FGD6: variants seen among roughly 807,000 people sequenced by gnomAD.
The protein encoded by FGD6 is FYVE, RhoGEF and PH domain containing 6, also known as FYVE, RhoGEF and PH domain-containing protein 6.
Under a neutral mutation model 149.4 loss-of-function variants are expected in FGD6, and 90 were observed. The ratio of observed to expected loss-of-function variants is 0.60; its 90% confidence interval spans 0.51 to 0.72. The LOEUF is 0.72. Ranked by LOEUF, FGD6 falls within the 30% of genes least tolerant of loss-of-function variation. The pLI is 0.00. For missense variants in FGD6, 1,437 were observed against 1,684.8 expected (o/e 0.85, Z 2.57); for synonymous variants, 527 against 584.0 (o/e 0.90, Z 1.41).
intron 8 of FGD6, among the ~76,000 whole-genome samples, chr12:95,121,268 T>C (rs1354733045): frequency 1.3e-5 from 2 of 151,562 alleles, no homozygotes; most frequent in Non-Finnish European, 2.9e-5. Context: ...GGTGAAACCC[T>C]GTCTCTACTG....
chr12:95,138,840 C>T lies in FGD6; in HGVS notation c.2838-1162G>A, dbSNP rs577455874. On this transcript the variant is annotated intron_variant, in intron 6 of 20. Coordinates refer to ENST00000343958, the MANE Select transcript of FGD6 (RefSeq NM_018351.4). ...ACTCAAGCTTCATTTGCTACCACAG[C>T]GTCCTATTTCAGGTCTCTGCAACTC... Among the ~76,000 whole-genome samples the T allele has an allele frequency of 9.9e-5, 15 of 152,272 alleles. No individual in the cohort carries two copies. In the South Asian group the frequency reaches 1.0e-3, roughly 11 times the overall value.
intron 18 of FGD6, among the ~76,000 whole-genome samples, chr12:95,088,654 G>A (rs951676226): frequency 2.6e-5 from 4 of 152,126 alleles, no homozygotes; most frequent in Non-Finnish European, 5.9e-5. Context: ...AGCATAATTC[G>A]TAATAGCCAA....
chr12:95,117,545 G>A (rs12578168), intron 8 of FGD6, among the ~76,000 whole-genome samples: 37,610 of 151,850 alleles, frequency 0.25, 5,374 homozygotes, highest in African/African-American at 0.39. Flanking sequence ...CCACACCTCA[G>A]CCTCCCAAGT....
intron 2 of FGD6, among the ~76,000 whole-genome samples, chr12:95,207,724 A>T (rs980015615): frequency 3.3e-5 from 5 of 152,216 alleles, no homozygotes; most frequent in Non-Finnish European, 7.3e-5. Flanking sequence ...TGGAGCTTAA[A>T]ACCAAATACA....
chr12:95,203,848 A>T (rs1382362925), intron 2 of FGD6, among the ~76,000 whole-genome samples: 1 of 152,232 alleles, frequency 6.6e-6, no homozygotes, highest in East Asian at 1.9e-4. Flanking sequence ...CCTCAATTTC[A>T]AAAAGGAAAT....
intron 6 of FGD6, among the ~76,000 whole-genome samples, chr12:95,140,851 G>A (rs1203143777): frequency 6.6e-6 from 1 of 152,194 alleles, no homozygotes; most frequent in Non-Finnish European, 1.5e-5. Context: ...TCTTGCTTCT[G>A]AGGCAGGATT....
chr12:95,082,917 T>A (rs1378204180), intron 20 of FGD6, among the ~76,000 whole-genome samples: 5 of 136,514 alleles, frequency 3.7e-5, no homozygotes, highest in African/African-American at 5.6e-5. Flanking sequence ...GAGGCTGAGA[T>A]AGGTGGACTG....
intron 8 of FGD6, among the ~76,000 whole-genome samples, chr12:95,129,699 G>A (rs1287027131): frequency 6.6e-6 from 1 of 152,154 alleles, no homozygotes; most frequent in African/African-American, 2.4e-5. Flanking sequence ...CTGAGACAGA[G>A]TCTTGCTCTG....
At chr12:95,101,368 T>C (rs983100613) in intron 14 of FGD6, among the ~76,000 whole-genome samples, 2 of 151,856 alleles carry the variant, frequency 1.3e-5, no homozygotes, top group African/African-American at 4.8e-5. Flanking sequence ...CACAGAAATA[T>C]AAATCTTGAT....
chr12:95,203,891 T>C (rs1225168787), intron 2 of FGD6, among the ~76,000 whole-genome samples: 1 of 152,218 alleles, frequency 6.6e-6, no homozygotes, highest in Non-Finnish European at 1.5e-5. Context: ...TTTGCTGATT[T>C]GTCTATAGCC....
At chr12:95,094,176 G>T (rs1455915927) in intron 15 of FGD6, among the ~76,000 whole-genome samples, 2 of 151,046 alleles carry the variant, frequency 1.3e-5, no homozygotes, top group Non-Finnish European at 3.0e-5. Context: ...AAAAAAGAAA[G>T]AAAAAGAAAA....
intron 5 of FGD6, among the ~76,000 whole-genome samples, chr12:95,147,338 G>T (rs765324749): frequency 4.9e-4 from 74 of 152,100 alleles, no homozygotes; most frequent in Admixed American, 4.5e-3. Flanking sequence ...CAGTGATACG[G>T]TATATAATCA....
Position 95,077,842 on chromosome 12 carries a change from A to G in FGD6, c.*3678T>C, listed in dbSNP as rs1877545745. On this transcript the variant is annotated 3_prime_UTR_variant, in exon 21 of 21. Coordinates refer to ENST00000343958, the MANE Select transcript of FGD6 (RefSeq NM_018351.4). ...AAATAAACAGATTTGAATGGGAAGG[A>G]AGTTGAGTTTTATTCATGTAAAGTC... The G allele has an allele frequency of 6.6e-6, 1 of 152,194 alleles. No individual in the cohort carries two copies. Among genetic ancestry groups the G allele is most frequent in the Non-Finnish European group, 1.5e-5 (1 of 68,048 alleles). 9.4% of individuals were successfully genotyped at this position (152,194 alleles called of 1,614,324 possible).
chr12:95,137,612 T>C lies in FGD6; in HGVS notation c.2904A>G (p.Thr968=). ...TATTCTTATCAAATTCTTTGATGTATGTGGAATACATTTTTAGATATGGTC... is the reference window on the plus strand; with the variant it reads ...TATTCTTATCAAATTCTTTGATGTACGTGGAATACATTTTTAGATATGGTC... ...KKGPYLKMYS[T]YIKEFDKNIA... Residue 968 remains threonine (T), a synonymous_variant, in exon 7 of 21, where the codon ACA becomes ACG. Transcript: ENST00000343958. 6.2e-7 allele frequency: 1 copy of C among 1,612,220 alleles called. No homozygotes were observed. The highest frequency in any genetic ancestry group is 2.2e-5 in the East Asian group (1 of 44,826).
Position 95,079,947 on chromosome 12 carries a change from T to A in FGD6, c.*1573A>T, listed in dbSNP as rs1365360816. 2.2e-4 allele frequency: 2 copies of A among 9,192 alleles called. No homozygotes were observed. The highest frequency in any genetic ancestry group is 3.7e-4 in the African/African-American group (1 of 2,686). The allele number at this position is 9,192 out of a possible 1,614,324, so 0.6% of individuals were successfully genotyped here. ...TTATATGGATAACCTTGCTGTTCAATTTTTTTTTTTTTTTTTTTTTTGAGA... is the reference window on the plus strand; with the variant it reads ...TTATATGGATAACCTTGCTGTTCAAATTTTTTTTTTTTTTTTTTTTTGAGA... On this transcript the variant is annotated 3_prime_UTR_variant, in exon 21 of 21. Transcript: ENST00000343958.
rs112418567 is a variant in FGD6 at position 95,089,557 on chromosome 12, G to A, written c.3978+12C>T. The A allele has an allele frequency of 2.0e-4, 322 of 1,611,912 alleles. 4 individuals are homozygous for A. In the African/African-American group the frequency reaches 3.9e-3, roughly 19 times the overall value. On this transcript the variant is annotated intron_variant, in intron 18 of 20. Transcript: ENST00000343958. Reference sequence around the variant, plus strand: ...GCCTCTATCACATTGCAAATTTAATGGAAACACTTACTTCTTTGAGAGCAG... The same window carrying A: ...GCCTCTATCACATTGCAAATTTAATAGAAACACTTACTTCTTTGAGAGCAG...
chr12:95,161,348 T>C (rs1022719538), intron 3 of FGD6, among the ~76,000 whole-genome samples: 1 of 151,924 alleles, frequency 6.6e-6, no homozygotes. Context: ...ATACAAAAAT[T>C]AGCCAGGCGT....
In FGD6 at chr12:95,081,350, C is replaced by A; in HGVS notation, c.*170G>T. 12 of 440,894 alleles carry A rather than the reference C, an allele frequency of 2.7e-5. No homozygotes were observed. The highest frequency in any genetic ancestry group is 3.5e-5 in the East Asian group (1 of 28,196). 27.3% of individuals were successfully genotyped at this position (440,894 alleles called of 1,614,324 possible). ...TTAATAAATAACATAAATGAAAAAA[C>A]AAACACCTTTTAAAAATTGCTTATA... On this transcript the variant is annotated 3_prime_UTR_variant, in exon 21 of 21. Coordinates refer to ENST00000343958, the MANE Select transcript of FGD6 (RefSeq NM_018351.4).
At chr12:95,199,736 C>G (rs1351110995) in intron 2 of FGD6, among the ~76,000 whole-genome samples, 1 of 151,348 alleles carries the variant, frequency 6.6e-6, no homozygotes, top group Non-Finnish European at 1.5e-5. Flanking sequence ...TCCTGAGTAG[C>G]TGGGACTACA....
Sources: allele counts gnomAD v4.1 joint callset (sites outside exome capture counted in the v4.1 genomes callset), GRCh38; gene constraint gnomAD v4.1.1; transcripts MANE v1.5; gene names NCBI Gene and HGNC (gene_info 2026-07-23, HGNC 2026-07-21).